EPB41: variants seen among roughly 807,000 people sequenced by gnomAD.
The protein encoded by EPB41 is erythrocyte membrane protein band 4.1, also known as protein 4.1.
EPB41 carries 65 observed loss-of-function variants against 108.0 expected under a neutral mutation model. That is an observed-to-expected ratio of 0.60 (90% CI 0.49 to 0.74). The LOEUF (loss-of-function observed/expected upper bound fraction) is 0.74. Ranked by LOEUF, EPB41 falls within the 30% of genes least tolerant of loss-of-function variation. The pLI is 0.00. For missense variants in EPB41, 875 were observed against 1,037.0 expected, an observed-to-expected ratio of 0.84 and a Z score of 2.15; for synonymous variants, 336 against 358.9, an observed-to-expected ratio of 0.94 and a Z score of 0.72.
intron 1 of EPB41, among the ~76,000 whole-genome samples, chr1:28,938,524 T>G (rs1319488972): frequency 1.4e-5 from 2 of 144,318 alleles, no homozygotes; most frequent in Non-Finnish European, 3.0e-5. Context: ...AGAAATACAG[T>G]TGATTTTTGA....
rs965962383 is a variant in EPB41 at position 29,120,011 on chromosome 1, C to G, written c.*3199C>G. On this transcript the variant is annotated 3_prime_UTR_variant, in exon 21 of 21. Transcript: ENST00000343067. ...CTGTTTGGTCTTGCTTCTTGTATTG[C>G]ATTTTTTTCAATAAACAACAACAAA... The G allele has an allele frequency of 6.6e-6, 1 of 152,526 alleles. No homozygotes were observed. Among genetic ancestry groups the G allele is most frequent in the Non-Finnish European group, 1.5e-5 (1 of 68,020 alleles). The allele number at this position is 152,526 out of a possible 1,614,324, so 9.4% of individuals were successfully genotyped here.
intron 1 of EPB41, among the ~76,000 whole-genome samples, chr1:28,921,861 T>TGGAG (rs1435707515): frequency 6.7e-6 from 1 of 150,224 alleles, no homozygotes; most frequent in Non-Finnish European, 1.5e-5. Context: ...CAATTGCTTT[T>TGGAG]GGAGGCAAGA....
At chr1:28,938,884 T>G (rs2094161816) in intron 1 of EPB41, among the ~76,000 whole-genome samples, 1 of 152,212 alleles carries the variant, frequency 6.6e-6, no homozygotes, top group Admixed American at 6.5e-5. Context: ...TTTGTGTGGA[T>G]TCCTTAGAAT....
intron 9 of EPB41, among the ~76,000 whole-genome samples, chr1:29,035,025 A>C (rs1403269867): frequency 1.6e-5 from 2 of 124,358 alleles, no homozygotes; most frequent in African/African-American, 6.2e-5. Flanking sequence ...TTTGTCACCC[A>C]GGCTGGAGTG....
chr1:28,900,771 G>C (rs1409931720), intron 1 of EPB41, among the ~76,000 whole-genome samples: 2 of 152,052 alleles, frequency 1.3e-5, no homozygotes, highest in Admixed American at 6.6e-5. Context: ...CATGATCCCA[G>C]GCAAGTCCAT....
At chr1:28,974,913 G>C (rs988492668) in intron 1 of EPB41, among the ~76,000 whole-genome samples, 15 of 151,932 alleles carry the variant, frequency 9.9e-5, no homozygotes, top group African/African-American at 3.4e-4. Context: ...TCCTGCCTCA[G>C]CCTCCAAAGT....
intron 1 of EPB41, among the ~76,000 whole-genome samples, chr1:28,952,822 T>C (rs2094788824): frequency 6.6e-6 from 1 of 152,212 alleles, no homozygotes; most frequent in Non-Finnish European, 1.5e-5. Context: ...TAAATTTAGA[T>C]GAAGCTAGAG....
At chr1:29,061,585 T>TTTTTTTTTG (rs1646574199) in intron 15 of EPB41, among the ~76,000 whole-genome samples, 1 of 138,238 alleles carries the variant, frequency 7.2e-6, no homozygotes, top group African/African-American at 2.7e-5. Flanking sequence ...TTTTTTTTTT[T>TTTTTTTTTG]TTTTTTTTTT....
chr1:29,104,386 G>C (rs1666438272), intron 17 of EPB41, among the ~76,000 whole-genome samples: 1 of 152,086 alleles, frequency 6.6e-6, no homozygotes, highest in Admixed American at 6.6e-5. Context: ...TTTTTTATGT[G>C]TGTATATGGG....
intron 19 of EPB41, among the ~76,000 whole-genome samples, chr1:29,114,557 C>T (rs930804068): frequency 2.0e-5 from 3 of 148,112 alleles, no homozygotes; most frequent in African/African-American, 7.5e-5. Context: ...GCACAAGAAT[C>T]GCTTGAACCC....
At chr1:29,101,604 G>A (rs1665429194) in intron 17 of EPB41, among the ~76,000 whole-genome samples, 1 of 152,124 alleles carries the variant, frequency 6.6e-6, no homozygotes, top group Non-Finnish European at 1.5e-5. Flanking sequence ...GGAGGTGGAG[G>A]TTGCAGTGAG....
At chr1:29,042,457 CTTTTTTGTT>C (rs1445797395) in intron 11 of EPB41, among the ~76,000 whole-genome samples, 7 of 151,762 alleles carry the variant, frequency 4.6e-5, no homozygotes, top group African/African-American at 7.3e-5. Flanking sequence ...GTGAGTCATG[CTTTTTTGTT>C]TTTTTTGTTT....
intron 1 of EPB41, among the ~76,000 whole-genome samples, chr1:28,984,693 T>C (rs2095835573): frequency 6.6e-6 from 1 of 151,666 alleles, no homozygotes; most frequent in African/African-American, 2.4e-5. Flanking sequence ...GGTGTTGCTC[T>C]GTCACCTAGG....
At chr1:29,090,837 A>T (rs1660922738) in intron 16 of EPB41, among the ~76,000 whole-genome samples, 1 of 152,072 alleles carries the variant, frequency 6.6e-6, no homozygotes, top group South Asian at 2.1e-4. Context: ...GTTGCATTCT[A>T]CACCCCTGGG....
Position 28,987,656 on chromosome 1 carries a change from A to G in EPB41, c.219A>G (p.Thr73=). 1 of 1,614,236 alleles carries G rather than the reference A, an allele frequency of 6.2e-7. No individual in the cohort carries two copies. Among genetic ancestry groups the G allele is most frequent in the East Asian group, 2.2e-5 (1 of 44,884 alleles). Reference sequence around the variant, plus strand: ...ACTTGACCAAGAACAAGGAGCGGACATCAGAAAGCAGAGGACTTTCACGAC... The same window carrying G: ...ACTTGACCAAGAACAAGGAGCGGACGTCAGAAAGCAGAGGACTTTCACGAC... ...HEDLTKNKER[T]SESRGLSRLF... is the part of the protein sequence containing the mutation. The change falls in exon 2 of 21, where the codon ACA becomes ACG. Residue 73 remains threonine, a synonymous_variant. Transcript: ENST00000343067.
intron 6 of EPB41, among the ~76,000 whole-genome samples, chr1:29,017,235 T>C (rs2096589103): frequency 6.6e-6 from 1 of 152,230 alleles, no homozygotes; most frequent in Admixed American, 6.5e-5. Flanking sequence ...TGTTTGGCAT[T>C]GTTCTGACAT....
chr1:29,072,249 T>C (rs1243688403), intron 16 of EPB41: 1 of 152,170 alleles, frequency 6.6e-6, no homozygotes, highest in African/African-American at 2.4e-5. Context: ...ACCTGAAATA[T>C]TACAAAGCTG....
intron 1 of EPB41, among the ~76,000 whole-genome samples, chr1:28,979,886 C>A (rs558485199): frequency 6.6e-6 from 1 of 152,182 alleles, no homozygotes; most frequent in African/African-American, 2.4e-5. Context: ...GATTGAATCC[C>A]CGAACCATAA....
upstream of EPB41, among the ~76,000 whole-genome samples, chr1:28,910,532 G>A (rs1317512819): frequency 2.6e-5 from 4 of 152,024 alleles, no homozygotes; most frequent in Non-Finnish European, 4.4e-5. Context: ...ATCCGCCCAC[G>A]TCCCAGATTT....
Sources: allele counts gnomAD v4.1 joint callset (sites outside exome capture counted in the v4.1 genomes callset), GRCh38; gene constraint gnomAD v4.1.1; transcripts MANE v1.5; gene names NCBI Gene and HGNC (gene_info 2026-07-23, HGNC 2026-07-21).